The following TENT4B variants were observed in gnomAD, a reference collection of about 807,000 sequenced individuals.
TENT4B encodes the protein PAP associated domain containing 5.
A neutral mutation model predicts 75.0 loss-of-function variants in TENT4B; 10 were observed. The observed-to-expected ratio is 0.13, with a 90% CI of 0.08 to 0.23. TENT4B has a LOEUF of 0.23. Ranked by LOEUF, TENT4B falls within the 10% of genes least tolerant of loss-of-function variation. The pLI, the probability that TENT4B is intolerant of heterozygous loss-of-function variation, is 1.00. For synonymous variants in TENT4B, 350 were observed against 357.7 expected (o/e 0.98, Z 0.24); for missense variants, 579 against 893.8 (o/e 0.65, Z 4.49).
chr16:50,155,767 C>T (rs1398916996), intron 1 of TENT4B, among the ~76,000 whole-genome samples: 2 of 152,154 alleles, frequency 1.3e-5, no homozygotes, highest in African/African-American at 4.8e-5. Context: ...TCCAAGTCTA[C>T]GCGTAAACCT....
intron 1 of TENT4B, among the ~76,000 whole-genome samples, chr16:50,166,928 C>T (rs375612562): frequency 2.9e-4 from 44 of 152,096 alleles, no homozygotes; most frequent in African/African-American, 1.0e-3. Context: ...CTGTGCCTGG[C>T]CTATTTTATT....
chr16:50,227,923 T>A lies in TENT4B; in HGVS notation c.1885T>A (p.Ser629Thr). 1 of 1,614,020 alleles carries A rather than the reference T, an allele frequency of 6.2e-7. No homozygotes were observed. Among genetic ancestry groups the A allele is most frequent in the Non-Finnish European group, 8.5e-7 (1 of 1,179,900 alleles). The change falls in exon 11 of 12, where the codon TCC becomes ACC. Residue 629 changes from serine to threonine, a missense_variant. Physicochemically the swap from Ser to Thr is moderately conservative, Grantham distance 58. Transcript: ENST00000561678. ...TGNRVGSQDV[S>T]LESSQAVGKM... ...GAACCGAGTAGGGTCGCAAGATGTA[T>A]CCTTGGAGTCCTCTCAGGCAGTTGG...
intron 1 of TENT4B, among the ~76,000 whole-genome samples, chr16:50,202,659 A>G (rs560787061): frequency 6.6e-6 from 1 of 152,292 alleles, no homozygotes; most frequent in East Asian, 1.9e-4. Flanking sequence ...GAACTACTCA[A>G]GAGTAGTTTG....
chr16:50,222,253 T>C (rs2031865127), intron 5 of TENT4B, 53 bp from the exon 6 acceptor site: 2 of 1,509,954 alleles, frequency 1.3e-6, no homozygotes, highest in South Asian at 1.2e-5. Context: ...CTCTTAATGC[T>C]TAGATCTGTT....
chr16:50,182,348 T>C (rs1274245228), intron 1 of TENT4B, among the ~76,000 whole-genome samples: 2 of 152,344 alleles, frequency 1.3e-5, no homozygotes, highest in East Asian at 1.9e-4. Flanking sequence ...TTAGAAACTA[T>C]AGGTTGTATA....
intron 1 of TENT4B, among the ~76,000 whole-genome samples, chr16:50,155,272 G>GGGGGGGGTGTGTGTGTGT (rs377547594): frequency 7.4e-6 from 1 of 135,372 alleles, no homozygotes; most frequent in African/African-American, 2.8e-5. Flanking sequence ...GGGTCTCGTG[G>GGGGGGGGTGTGTGTGTGT]GTGTGTGTGT....
intron 1 of TENT4B, among the ~76,000 whole-genome samples, chr16:50,197,111 A>C (rs370579593): frequency 3.3e-5 from 5 of 151,640 alleles, no homozygotes; most frequent in Admixed American, 2.0e-4. Context: ...CATCTCTAAA[A>C]AAAAAACAAA....
chr16:50,202,362 C>T (rs1024160875), intron 1 of TENT4B, among the ~76,000 whole-genome samples: 1 of 152,154 alleles, frequency 6.6e-6, no homozygotes, highest in African/African-American at 2.4e-5. Context: ...CAAATGAATA[C>T]ATAAATGAAG....
chr16:50,168,837 G>T (rs1364239577), intron 1 of TENT4B, among the ~76,000 whole-genome samples: 2 of 151,612 alleles, frequency 1.3e-5, no homozygotes, highest in African/African-American at 4.8e-5. Context: ...GTAGAGATGG[G>T]GTTTCAACAT....
At chr16:50,190,437 A>G (rs1047987740) in intron 1 of TENT4B, among the ~76,000 whole-genome samples, 1 of 152,020 alleles carries the variant, frequency 6.6e-6, no homozygotes, top group Non-Finnish European at 1.5e-5. Context: ...TTTGCCCCAG[A>G]TGGATACTCT....
chr16:50,216,692 AT>A (rs896578320), intron 4 of TENT4B, among the ~76,000 whole-genome samples: 3 of 151,106 alleles, frequency 2.0e-5, no homozygotes, highest in Non-Finnish European at 3.0e-5. Context: ...TGTTTTATTC[AT>A]TTTTTTTAGA....
At chr16:50,208,010 C>T (rs1231561017) in intron 1 of TENT4B, among the ~76,000 whole-genome samples, 4 of 152,146 alleles carry the variant, frequency 2.6e-5, no homozygotes, top group Admixed American at 6.5e-5. Flanking sequence ...TCTGGTTGTT[C>T]TCTGAGTATT....
Position 50,200,081 on chromosome 16 carries a change from G to A in TENT4B, c.639-11242G>A, listed in dbSNP as rs542934500. ...AGTATGTTTAGTTTGCTAAGGAACT[G>A]CCAGCTGGGTGTGGTGGCTCATGCC... is the stretch of plus-strand genomic sequence containing the variant. On this transcript the variant is annotated intron_variant, in intron 1 of 11. Coordinates refer to ENST00000561678, the MANE Select transcript of TENT4B (RefSeq NM_001365324.3). 1.9e-3 allele frequency among the ~76,000 whole-genome samples: 286 copies of A among 152,274 alleles called. 2 individuals carry two copies. Among genetic ancestry groups the A allele is most frequent in the African/African-American group, 6.0e-3 (248 of 41,548 alleles).
At position 50,232,070 on chromosome 16, in the gene TENT4B, A is replaced by G. The variant is rs528348166; in HGVS notation, c.*2742A>G. On this transcript the variant is annotated 3_prime_UTR_variant, in exon 12 of 12. Coordinates refer to ENST00000561678, the MANE Select transcript of TENT4B (RefSeq NM_001365324.3). ...GGCAGTCATGTATGTGTACCTGGCC[A>G]TTAGAAATATTAATATTTAAAGACT... 1 of 985,414 alleles carries G rather than the reference A, an allele frequency of 1.0e-6. No individual in the cohort carries two copies. The highest frequency in any genetic ancestry group is 1.1e-4 in the East Asian group (1 of 8,818). The allele number at this position is 985,414 out of a possible 1,614,324, so 61.0% of individuals were successfully genotyped here. A position where few individuals can be genotyped will look rare whatever the true frequency, so the allele number is the denominator to read the frequency against.
At chr16:50,192,553 A>T (rs962356528) in intron 1 of TENT4B, among the ~76,000 whole-genome samples, 43 of 152,290 alleles carry the variant, frequency 2.8e-4, no homozygotes, top group African/African-American at 1.0e-3. Flanking sequence ...TTACTGTTGA[A>T]TATATTATGG....
chr16:50,196,420 T>C (rs1380518917), intron 1 of TENT4B, among the ~76,000 whole-genome samples: 1 of 152,164 alleles, frequency 6.6e-6, no homozygotes, highest in East Asian at 1.9e-4. Context: ...TACCACAGTA[T>C]GAGTGCCTTG....
chr16:50,152,960 C>G, upstream of TENT4B: 2 of 1,509,152 alleles, frequency 1.3e-6, no homozygotes, highest in Non-Finnish European at 1.8e-6. Context: ...TCCATGCGGC[C>G]TCGTCCACGC....
At chr16:50,174,742 CTTTT>C (rs35242106) in intron 1 of TENT4B, among the ~76,000 whole-genome samples, 1 of 75,814 alleles carries the variant, frequency 1.3e-5, no homozygotes, top group Non-Finnish European at 2.7e-5. Context: ...CTCCCCTACT[CTTTT>C]TTTTTTTTTT....
intron 1 of TENT4B, among the ~76,000 whole-genome samples, chr16:50,186,543 C>T (rs1316383584): frequency 6.6e-6 from 1 of 152,150 alleles, no homozygotes; most frequent in African/African-American, 2.4e-5. Flanking sequence ...CTGCCGTGAA[C>T]ATTGATAACC....
Sources: allele counts gnomAD v4.1 joint callset (sites outside exome capture counted in the v4.1 genomes callset), GRCh38; gene constraint gnomAD v4.1.1; transcripts MANE v1.5; gene names NCBI Gene and HGNC (gene_info 2026-07-23, HGNC 2026-07-21).